The following LRRC58 variants were observed in gnomAD, a reference collection of about 807,000 sequenced individuals.
The protein encoded by LRRC58 is leucine-rich repeat-containing protein 58.
A neutral mutation model predicts 30.6 loss-of-function variants in LRRC58; 18 were observed. The ratio of observed to expected loss-of-function variants is 0.59; its 90% CI spans 0.41 to 0.87. The LOEUF (loss-of-function observed/expected upper bound fraction) is 0.87, where lower values mean the gene tolerates loss of function less well. Ranked by LOEUF, LRRC58 falls within the 40% of genes least tolerant of loss-of-function variation. The pLI is 0.00. For missense variants in LRRC58, 420 were observed against 468.4 expected, an observed-to-expected ratio of 0.90 and a Z score of 0.95; for synonymous variants, 221 against 206.0, an observed-to-expected ratio of 1.07 and a Z score of -0.62.
chr3:120,340,739 A>G (rs1456491080), intron 1 of LRRC58, among the ~76,000 whole-genome samples: 1 of 152,032 alleles, frequency 6.6e-6, no homozygotes, highest in Non-Finnish European at 1.5e-5. Flanking sequence ...AAACAAACAA[A>G]AACAAAAATT....
Position 120,335,830 on chromosome 3 carries a change from A to G in LRRC58, c.624T>C (p.Leu208=). 1 of 1,611,150 alleles carries G rather than the reference A, an allele frequency of 6.2e-7. No homozygotes were observed. The highest frequency in any genetic ancestry group is 8.5e-7 in the Non-Finnish European group (1 of 1,177,786). ...AAATGCCTGGAACTACTCACTGTGAAAGTTGAGGAGGTATGCTTTGGATTT... is the reference window on the plus strand; with the variant it reads ...AAATGCCTGGAACTACTCACTGTGAGAGTTGAGGAGGTATGCTTTGGATTT... The part of the protein sequence containing the change: ...DNKIQSIPPQ[L]SQLHSLRSLS... Residue 208 remains leucine, a synonymous_variant, in exon 2 of 4, where the codon CTT becomes CTC. Transcript: ENST00000295628.
Position 120,349,320 on chromosome 3 carries a change from G to C in LRRC58, c.-77C>G, listed in dbSNP as rs969206472. Reference sequence around the variant, plus strand: ...GTCCAGAGGCCGGGAGCTCTGCGGCGCCCCGGAACCTGAACCGAGGGCTGA... The same window carrying C: ...GTCCAGAGGCCGGGAGCTCTGCGGCCCCCCGGAACCTGAACCGAGGGCTGA... On this transcript the variant is annotated 5_prime_UTR_variant, in exon 1 of 4. Transcript: ENST00000295628. The C allele has an allele frequency of 7.7e-7, 1 of 1,306,574 alleles. No individual in the cohort carries two copies. Among genetic ancestry groups the C allele is most frequent in the Non-Finnish European group, 9.8e-7 (1 of 1,024,746 alleles). The allele number at this position is 1,306,574 out of a possible 1,614,324, so 80.9% of individuals were successfully genotyped here. A position where few individuals can be genotyped will look rare whatever the true frequency, so the allele number is the denominator to read the frequency against.
chr3:120,341,333 G>GA (rs373855027), intron 1 of LRRC58, among the ~76,000 whole-genome samples: 3 of 151,938 alleles, frequency 2.0e-5, no homozygotes, highest in Non-Finnish European at 2.9e-5. Flanking sequence ...TACTATCAGG[G>GA]AAAAAAACTG....
intron 1 of LRRC58, among the ~76,000 whole-genome samples, chr3:120,341,651 G>GAA (rs780194181): frequency 1.4e-3 from 209 of 152,276 alleles, no homozygotes; most frequent in Non-Finnish European, 2.5e-3. Flanking sequence ...TGTTCTTCTA[G>GAA]GATTCCCAAG....
At position 120,325,383 on chromosome 3, in the gene LRRC58, T is replaced by C. The variant is rs1206466090; in HGVS notation, c.*5817A>G. The C allele has an allele frequency of 6.6e-6, 1 of 152,256 alleles. No homozygotes were observed. Among genetic ancestry groups the C allele is most frequent in the Admixed American group, 6.5e-5 (1 of 15,284 alleles). 9.4% of individuals were successfully genotyped at this position (152,256 alleles called of 1,614,324 possible). On this transcript the variant is annotated 3_prime_UTR_variant, in exon 4 of 4. Transcript: ENST00000295628. ...AAAGGAACAAGTACATTCTGGTGAA[T>C]GCAGATGTTCTTTCCACCATAGGTT...
rs1404478340 is a variant in LRRC58, at chr3:120,325,201, A to G, written c.*5999T>C. 1 of 152,242 alleles carries G rather than the reference A, an allele frequency of 6.6e-6. No individual in the cohort carries two copies. The allele number at this position is 152,242 out of a possible 1,614,324, so 9.4% of individuals were successfully genotyped here. A position where few individuals can be genotyped will look rare whatever the true frequency, so the allele number is the denominator to read the frequency against. On this transcript the variant is annotated 3_prime_UTR_variant, in exon 4 of 4. Transcript: ENST00000295628. The stretch of plus-strand genomic sequence containing the variant: ...ATATCACAACAATGTTAACAATTTA[A>G]GTTAGTGAAAGGATTCTCTTAAACA...
rs190686962 is a variant in LRRC58, at chr3:120,324,732, C to T, written c.*6468G>A. The T allele has an allele frequency of 3.3e-5, 5 of 152,060 alleles. No individual in the cohort carries two copies. In the East Asian group the frequency reaches 9.6e-4, roughly 29 times the overall value. 9.4% of individuals were successfully genotyped at this position (152,060 alleles called of 1,614,324 possible). Reference sequence around the variant, plus strand: ...AGAAGGTGGTAGAATTGAAGTAGCCCATATATTCTTTTAAGAGCATTTAGC... The same window carrying T: ...AGAAGGTGGTAGAATTGAAGTAGCCTATATATTCTTTTAAGAGCATTTAGC... On this transcript the variant is annotated 3_prime_UTR_variant, in exon 4 of 4. Coordinates refer to ENST00000295628, the MANE Select transcript of LRRC58 (RefSeq NM_001099678.2).
At chr3:120,336,498 C>G (rs1377780793) in intron 1 of LRRC58, among the ~76,000 whole-genome samples, 1 of 152,152 alleles carries the variant, frequency 6.6e-6, no homozygotes, top group Non-Finnish European at 1.5e-5. Flanking sequence ...ACCCTGAATT[C>G]TATGCTAGTA....
rs1935687791 is a variant in LRRC58, at chr3:120,327,175, G to T, written c.*4025C>A. On this transcript the variant is annotated 3_prime_UTR_variant, in exon 4 of 4. Transcript: ENST00000295628. ...AAAACAATTCACTATTACTTTAAAG[G>T]GCTTTCTAGGCCTAGGACTGTCCCT... 6.6e-6 allele frequency: 1 copy of T among 151,780 alleles called. No homozygotes were observed. The highest frequency in any genetic ancestry group is 1.5e-5 in the Non-Finnish European group (1 of 67,984). 9.4% of individuals were successfully genotyped at this position (151,780 alleles called of 1,614,324 possible).
intron 1 of LRRC58, among the ~76,000 whole-genome samples, chr3:120,345,235 T>A (rs1229183824): frequency 6.6e-6 from 1 of 152,226 alleles, no homozygotes; most frequent in Non-Finnish European, 1.5e-5. Context: ...CATTTGTTAT[T>A]CCTTCCTTAA....
Position 120,348,108 on chromosome 3 carries a change from T to C in LRRC58, c.500+636A>G, listed in dbSNP as rs989248263. The stretch of plus-strand genomic sequence containing the variant: ...AAAGGAATCACAGAGATGATTAACT[T>C]GAGATAGCTTTTGAAGGATGATAGG... On this transcript the variant is annotated intron_variant, in intron 1 of 3. Coordinates refer to ENST00000295628, the MANE Select transcript of LRRC58 (RefSeq NM_001099678.2). Among the ~76,000 whole-genome samples, 9 of 152,086 alleles carry C rather than the reference T, an allele frequency of 5.9e-5. 1 individual carries two copies. The East Asian group carries it at 1.2e-3, about 20-fold the overall frequency.
At chr3:120,341,641 T>A (rs1455914601) in intron 1 of LRRC58, among the ~76,000 whole-genome samples, 1 of 152,164 alleles carries the variant, frequency 6.6e-6, no homozygotes, top group African/African-American at 2.4e-5. Flanking sequence ...ATGGGATTAG[T>A]GTTCTTCTAG....
At chr3:120,342,488 C>T (rs573198573) in intron 1 of LRRC58, among the ~76,000 whole-genome samples, 1 of 152,282 alleles carries the variant, frequency 6.6e-6, no homozygotes, top group African/African-American at 2.4e-5. Context: ...ACCACCCTCT[C>T]AGCTGAGAGC....
rs371561272 is a variant in LRRC58 at position 120,340,720 on chromosome 3, AAAAC to A, written c.501-4771_501-4768del. The stretch of plus-strand genomic sequence containing the variant: ...AAATACCGTCTCTACTAAAAAAACA[AAAAC>A]AAACAAACAAACAAAAACAAAAATT... On this transcript the variant is annotated intron_variant, in intron 1 of 3. Transcript: ENST00000295628. Among the ~76,000 whole-genome samples the A allele has an allele frequency of 9.5e-4, 145 of 152,246 alleles. 1 individual carries two copies. Among genetic ancestry groups the A allele is most frequent in the African/African-American group, 3.2e-3 (135 of 41,540 alleles).
chr3:120,334,320 A>T (rs138144839), intron 3 of LRRC58, among the ~76,000 whole-genome samples: 8,710 of 151,096 alleles, frequency 0.058, 287 homozygotes, highest in East Asian at 0.093. Flanking sequence ...CTGGCTAACA[A>T]GGTGAAACCC....
chr3:120,341,398 AAT>A (rs1935902712), intron 1 of LRRC58, among the ~76,000 whole-genome samples: 1 of 152,198 alleles, frequency 6.6e-6, no homozygotes, highest in African/African-American at 2.4e-5. Context: ...AATAACTTGC[AAT>A]ATAGTCTAGA....
intron 1 of LRRC58, among the ~76,000 whole-genome samples, chr3:120,338,464 A>C (rs1263285314): frequency 6.6e-6 from 1 of 152,240 alleles, no homozygotes; most frequent in Non-Finnish European, 1.5e-5. Context: ...GAAGACAGAC[A>C]ATAAATCAAT....
Position 120,349,274 on chromosome 3 carries a change from T to C in LRRC58, c.-31A>G. ...CCACCGCACGGCGCGTGGCGCCGGA[T>C]TCCCCAGAGCGCCGCGCGCGGTCCA... On this transcript the variant is annotated 5_prime_UTR_variant, in exon 1 of 4. Coordinates refer to ENST00000295628, the MANE Select transcript of LRRC58 (RefSeq NM_001099678.2). 2.9e-6 allele frequency: 4 copies of C among 1,355,958 alleles called. No homozygotes were observed. Among genetic ancestry groups the C allele is most frequent in the South Asian group, 1.8e-5 (1 of 56,486 alleles). The allele number at this position is 1,355,958 out of a possible 1,614,324, so 84.0% of individuals were successfully genotyped here. A position where few individuals can be genotyped will look rare whatever the true frequency, so the allele number is the denominator to read the frequency against.
chr3:120,348,726 C>A lies in LRRC58; in HGVS notation c.500+18G>T. The A allele has an allele frequency of 2.6e-6, 4 of 1,537,618 alleles. No individual in the cohort carries two copies. Among genetic ancestry groups the A allele is most frequent in the Non-Finnish European group, 3.5e-6 (4 of 1,140,036 alleles). On this transcript the variant is annotated intron_variant, in intron 1 of 3. Transcript: ENST00000295628. ...CACCGCCCGAGGCCTCCCCACCCTC[C>A]GGCACACACCCGCTCACCTCTGCAA...
Sources: gnomAD v4.1 joint callset for allele counts (sites outside exome capture counted in the v4.1 genomes callset) on GRCh38, gnomAD v4.1.1 for gene constraint, MANE v1.5 for transcripts, NCBI Gene and HGNC (gene_info 2026-07-23, HGNC 2026-07-21) for gene names.